PCSK5: variants seen among roughly 807,000 people sequenced by gnomAD.
The protein encoded by PCSK5 is proprotein convertase subtilisin/kexin type 5.
Under a neutral mutation model 233.2 loss-of-function variants are expected in PCSK5, and 129 were observed. That is an observed-to-expected ratio of 0.55 (90% CI 0.48 to 0.64). PCSK5 has a LOEUF of 0.64. Among genes scored for constraint, PCSK5 ranks in the 30% least tolerant of loss-of-function variants. The pLI is 0.00. For synonymous variants in PCSK5, 825 were observed against 879.2 expected (o/e 0.94, Z 1.09); for missense variants, 2,076 against 2,430.1 (o/e 0.85, Z 3.06).
At chr9:76,197,707 C>A (rs79857825) in intron 20 of PCSK5, among the ~76,000 whole-genome samples, 1 of 145,396 alleles carries the variant, frequency 6.9e-6, no homozygotes, top group Non-Finnish European at 1.5e-5. Flanking sequence ...TAATACCCCC[C>A]CTCCTTCTGT....
At chr9:76,254,430 T>A (rs1447503360) in intron 24 of PCSK5, among the ~76,000 whole-genome samples, 1 of 152,048 alleles carries the variant, frequency 6.6e-6, no homozygotes, top group Non-Finnish European at 1.5e-5. Flanking sequence ...AATGTCTAAC[T>A]TTTTTCTTCT....
At chr9:76,193,427 A>AC in intron 20 of PCSK5, 265 of 1,039,398 alleles carry the variant, frequency 2.5e-4, no homozygotes, top group Middle Eastern at 2.8e-4. Flanking sequence ...AAAGCCAAAA[A>AC]GAAAAAAAAA....
intron 7 of PCSK5, among the ~76,000 whole-genome samples, chr9:76,088,618 G>A (rs1404259382): frequency 6.6e-6 from 1 of 152,072 alleles, no homozygotes; most frequent in African/African-American, 2.4e-5. Flanking sequence ...GTCTTAACTC[G>A]ATTCCATATA....
At chr9:76,233,406 G>A in intron 21 of PCSK5, 54 bp from the exon 22 acceptor site, 3 of 1,587,926 alleles carry the variant, frequency 1.9e-6, no homozygotes, top group South Asian at 2.2e-5. Flanking sequence ...CTGATACTTA[G>A]GGCCACTCTG....
At position 75,944,184 on chromosome 9, in the gene PCSK5, A is replaced by AAT. The variant is rs550077228; in HGVS notation, c.297+11715_297+11716dup. Among the ~76,000 whole-genome samples, 1,119 of 149,540 alleles carry AAT rather than the reference A, an allele frequency of 7.5e-3. 24 individuals carry two copies. The highest frequency in any genetic ancestry group is 0.024 in the African/African-American group (977 of 40,928). On this transcript the variant is annotated intron_variant, in intron 2 of 37. Transcript: ENST00000674117. ...TCTCAAAAAAGAAAGAAAGAAAAAAAATATATATATATATACACATATACA... is the reference window on the plus strand; with the variant it reads ...TCTCAAAAAAGAAAGAAAGAAAAAAAATATATATATATATATACACATATACA...
At chr9:75,968,444 A>C (rs1825686870) in intron 2 of PCSK5, among the ~76,000 whole-genome samples, 1 of 152,254 alleles carries the variant, frequency 6.6e-6, no homozygotes, top group Non-Finnish European at 1.5e-5. Flanking sequence ...ACAGATAAGA[A>C]AAATATAGCC....
chr9:76,003,868 GTGTGA>G (rs1827364076), intron 3 of PCSK5, among the ~76,000 whole-genome samples: 1 of 152,074 alleles, frequency 6.6e-6, no homozygotes, highest in Non-Finnish European at 1.5e-5. Flanking sequence ...GAGTACAGTG[GTGTGA>G]TCACGGCTCA....
At position 76,239,849 on chromosome 9, in the gene PCSK5, A is replaced by T. The variant is rs80188315; in HGVS notation, c.3073+684A>T. On this transcript the variant is annotated intron_variant, in intron 23 of 37. Coordinates refer to ENST00000674117, the MANE Select transcript of PCSK5 (RefSeq NM_001372043.1). ...GTTTTCTCCTTCCCAATTACTAGAC[A>T]TGAGACCCTAGGCAAAACTCATCTA... is the stretch of plus-strand genomic sequence containing the variant. Among the ~76,000 whole-genome samples the T allele has an allele frequency of 9.5e-3, 1,451 of 152,274 alleles. 27 individuals carry two copies. The highest frequency in any genetic ancestry group is 0.033 in the African/African-American group (1,353 of 41,554).
At chr9:76,187,313 A>G (rs1469193729) in intron 17 of PCSK5, among the ~76,000 whole-genome samples, 4 of 152,006 alleles carry the variant, frequency 2.6e-5, no homozygotes, top group Non-Finnish European at 5.9e-5. Context: ...ACATTTTCTC[A>G]CTATGTTTCC....
At chr9:76,313,292 A>G (rs1043401171) in intron 30 of PCSK5, among the ~76,000 whole-genome samples, 1 of 152,200 alleles carries the variant, frequency 6.6e-6, no homozygotes, top group Non-Finnish European at 1.5e-5. Flanking sequence ...TATAATTCAC[A>G]TACCATACAA....
chr9:75,911,617 A>G (rs1822742462), intron 1 of PCSK5, among the ~76,000 whole-genome samples: 2 of 152,106 alleles, frequency 1.3e-5, no homozygotes, highest in Non-Finnish European at 2.9e-5. Context: ...TTCTGAAGCT[A>G]TGAGTTGACT....
chr9:76,118,636 C>G (rs1380248230), intron 9 of PCSK5, among the ~76,000 whole-genome samples: 1 of 148,838 alleles, frequency 6.7e-6, no homozygotes, highest in Non-Finnish European at 1.5e-5. Flanking sequence ...AGCAATAGAA[C>G]CATTTTTAAA....
chr9:76,088,369 T>C (rs1485651625), intron 7 of PCSK5, among the ~76,000 whole-genome samples: 2 of 152,238 alleles, frequency 1.3e-5, no homozygotes, highest in African/African-American at 4.8e-5. Context: ...AACTGTTTCC[T>C]TTACTCAAAT....
chr9:76,112,783 C>T (rs1832276341), intron 9 of PCSK5, among the ~76,000 whole-genome samples: 1 of 151,886 alleles, frequency 6.6e-6, no homozygotes, highest in East Asian at 1.9e-4. Context: ...TGTACACTAA[C>T]AGATATATGC....
intron 24 of PCSK5, among the ~76,000 whole-genome samples, chr9:76,260,312 A>G (rs1827128677): frequency 6.6e-6 from 1 of 152,190 alleles, no homozygotes; most frequent in Non-Finnish European, 1.5e-5. Flanking sequence ...AGAGCCTATG[A>G]ATATGTAACC....
chr9:76,109,112 T>G (rs140151503), intron 9 of PCSK5, among the ~76,000 whole-genome samples: 1 of 152,244 alleles, frequency 6.6e-6, no homozygotes, highest in African/African-American at 2.4e-5. Context: ...CTGGCACTTA[T>G]CCTATTAAAT....
chr9:76,066,567 C>T (rs1469808258), intron 5 of PCSK5, among the ~76,000 whole-genome samples: 5 of 151,978 alleles, frequency 3.3e-5, no homozygotes, highest in African/African-American at 7.2e-5. Flanking sequence ...AAAAAGCTTA[C>T]GGTGTGTATA....
intron 1 of PCSK5, among the ~76,000 whole-genome samples, chr9:75,924,437 G>A (rs549923209): frequency 6.6e-6 from 1 of 152,300 alleles, no homozygotes; most frequent in African/African-American, 2.4e-5. Flanking sequence ...GTGTCAGGAT[G>A]TTGTGCTTGT....
At chr9:76,210,883 G>T (rs1033865103) in intron 20 of PCSK5, among the ~76,000 whole-genome samples, 1 of 152,190 alleles carries the variant, frequency 6.6e-6, no homozygotes, top group Non-Finnish European at 1.5e-5. Flanking sequence ...AGATAGAACA[G>T]ACTGAAATTG....
Sources: allele counts gnomAD v4.1 joint callset (sites outside exome capture counted in the v4.1 genomes callset), GRCh38; gene constraint gnomAD v4.1.1; transcripts MANE v1.5; gene names NCBI Gene and HGNC (gene_info 2026-07-23, HGNC 2026-07-21).